The following PLXNC1 variants were observed in gnomAD, a reference collection of about 807,000 sequenced individuals.
PLXNC1 encodes the protein plexin C1, also known as plexin-C1.
Under a neutral mutation model 178.2 loss-of-function variants are expected in PLXNC1, and 75 were observed. That is an observed-to-expected ratio of 0.42 (90% CI 0.35 to 0.51). The LOEUF (loss-of-function observed/expected upper bound fraction) is 0.51. Ranked by LOEUF, PLXNC1 falls within the 20% of genes least tolerant of loss-of-function variation. The probability of loss-of-function intolerance (pLI) is 0.02; values close to 1 mark genes in which losing one functional copy is unlikely to be tolerated. For synonymous variants in PLXNC1, 790 were observed against 779.9 expected (o/e 1.01, Z -0.22); for missense variants, 1,503 against 1,984.4 (o/e 0.76, Z 4.61).
chr12:94,277,787 TC>T (rs2136126609), intron 21 of PLXNC1: 3 of 365,578 alleles, frequency 8.2e-6, no homozygotes, highest in South Asian at 6.1e-5. Context: ...GCCGATACTA[TC>T]ATCAAGCCTT....
intron 8 of PLXNC1, 82 bp from the exon 9 acceptor site, chr12:94,227,067 G>T (rs1963960913): frequency 1.1e-6 from 1 of 915,096 alleles, no homozygotes; most frequent in Non-Finnish European, 1.8e-6. Context: ...GTGACTGCCT[G>T]GTCCTACCTT....
intron 12 of PLXNC1, among the ~76,000 whole-genome samples, chr12:94,245,734 G>A (rs182115010): frequency 3.3e-5 from 5 of 152,262 alleles, no homozygotes; most frequent in African/African-American, 4.8e-5. Flanking sequence ...CAGAGTCCTC[G>A]CAGGCCCGTG....
chr12:94,182,993 A>C (rs1962382506), intron 3 of PLXNC1, among the ~76,000 whole-genome samples: 1 of 152,168 alleles, frequency 6.6e-6, no homozygotes, highest in African/African-American at 2.4e-5. Context: ...AAATGATATT[A>C]AATCCAAAAT....
At chr12:94,248,140 C>A in intron 13 of PLXNC1, 34 bp downstream of exon 13, 1 of 1,604,190 alleles carries the variant, frequency 6.2e-7, no homozygotes, top group Non-Finnish European at 8.5e-7. Flanking sequence ...GGGATGTCAC[C>A]CCGACCCCTT....
In PLXNC1 at chr12:94,149,857, T is replaced by C; in HGVS notation, c.886T>C (p.Ser296Pro). The change falls in exon 1 of 31, where the codon TCC (serine) becomes CCC (proline). Residue 296 changes from serine to proline, a missense_variant. Ser to Pro is a moderately conservative substitution (Grantham distance 74). Transcript: ENST00000258526. ...CCCCGACGGCCGCCGCCTGCTCCTCTCCTCCAGCCTAGTGGAGGCCCTGGA... is the reference window on the plus strand; with the variant it reads ...CCCCGACGGCCGCCGCCTGCTCCTCCCCTCCAGCCTAGTGGAGGCCCTGGA... ...GHPDGRRLLLSSSLVEALDVW... is the reference protein window; with the variant it reads ...GHPDGRRLLLPSSLVEALDVW... 1 of 1,587,538 alleles carries C rather than the reference T, an allele frequency of 6.3e-7. No homozygotes were observed. The highest frequency in any genetic ancestry group is 8.6e-7 in the Non-Finnish European group (1 of 1,167,626).
intron 2 of PLXNC1, among the ~76,000 whole-genome samples, chr12:94,172,947 T>G (rs1961899930): frequency 6.6e-6 from 1 of 152,148 alleles, no homozygotes. Flanking sequence ...TTTGGGGAAA[T>G]AGAAGGAATT....
Position 94,228,430 on chromosome 12 carries a change from C to T in PLXNC1, c.1980+1195C>T, listed in dbSNP as rs181224685. Among the ~76,000 whole-genome samples, 17 of 152,224 alleles carry T rather than the reference C, an allele frequency of 1.1e-4. No individual in the cohort carries two copies. In the East Asian group the frequency reaches 2.3e-3, roughly 21 times the overall value. On this transcript the variant is annotated intron_variant, in intron 9 of 30. Coordinates refer to ENST00000258526, the MANE Select transcript of PLXNC1 (RefSeq NM_005761.3). ...TTTTCGTTTTGATAAAATACACAAA[C>T]AAAATTTACCATTTTTATTGCTTTT...
intron 9 of PLXNC1, among the ~76,000 whole-genome samples, chr12:94,229,455 G>A (rs1293047029): frequency 1.3e-5 from 2 of 152,114 alleles, no homozygotes; most frequent in Non-Finnish European, 2.9e-5. Flanking sequence ...TGCTTTTGGT[G>A]TCAGATCCAA....
chr12:94,187,451 G>A (rs1284240938), intron 4 of PLXNC1, among the ~76,000 whole-genome samples: 1 of 152,154 alleles, frequency 6.6e-6, no homozygotes, highest in African/African-American at 2.4e-5. Flanking sequence ...TTAATTAAGA[G>A]TTCACGGGGG....
Position 94,169,308 on chromosome 12 carries a change from C to T in PLXNC1, c.1203+15C>T, listed in dbSNP as rs780804394. The stretch of plus-strand genomic sequence containing the variant: ...AGTTACTTAAGGTTGGTTTTCTGTG[C>T]CTTCTTCAAATGTCTATTTTAATGG... On this transcript the variant is annotated intron_variant, in intron 2 of 30. Coordinates refer to ENST00000258526, the MANE Select transcript of PLXNC1 (RefSeq NM_005761.3). 3.1e-6 allele frequency: 5 copies of T among 1,609,388 alleles called. No homozygotes were observed. Among genetic ancestry groups the T allele is most frequent in the Non-Finnish European group, 4.3e-6 (5 of 1,176,412 alleles).
chr12:94,181,486 T>C lies in PLXNC1; in HGVS notation c.1244T>C (p.Val415Ala). Residue 415 changes from valine to alanine, a missense_variant, in exon 3 of 31, where the codon GTT (valine) becomes GCT (alanine). Transcript: ENST00000258526. ...GENLTSNCPE[V>A]IYEIKEETPV... is the part of the protein sequence containing the mutation. Reference sequence around the variant, plus strand: ...AATTTGACTTCAAATTGTCCAGAGGTTATCTATGAAATTAAAGAAGAGACA... The same window carrying C: ...AATTTGACTTCAAATTGTCCAGAGGCTATCTATGAAATTAAAGAAGAGACA... 1.3e-6 allele frequency: 2 copies of C among 1,592,692 alleles called. No individual in the cohort carries two copies. The highest frequency in any genetic ancestry group is 2.2e-5 in the East Asian group (1 of 44,730).
chr12:94,242,837 G>A (rs998465706), intron 11 of PLXNC1, among the ~76,000 whole-genome samples: 6 of 152,156 alleles, frequency 3.9e-5, no homozygotes, highest in Non-Finnish European at 1.5e-5. Flanking sequence ...GCAAATGAGG[G>A]AACTGGGGGA....
chr12:94,199,371 G>A (rs1963038897), intron 4 of PLXNC1, among the ~76,000 whole-genome samples: 1 of 152,204 alleles, frequency 6.6e-6, no homozygotes, highest in Admixed American at 6.5e-5. Flanking sequence ...ATTGGGGATG[G>A]CCCCTCCTTC....
intron 5 of PLXNC1, among the ~76,000 whole-genome samples, chr12:94,212,189 G>A (rs1405394562): frequency 3.3e-5 from 5 of 150,234 alleles, no homozygotes; most frequent in Admixed American, 2.0e-4. Context: ...CAGGAGAATG[G>A]CGTGAACCCG....
intron 1 of PLXNC1, among the ~76,000 whole-genome samples, chr12:94,154,500 G>A (rs1044316281): frequency 6.6e-6 from 1 of 152,140 alleles, no homozygotes; most frequent in Non-Finnish European, 1.5e-5. Flanking sequence ...AAGGAAATGG[G>A]ATTCCCCACT....
At position 94,249,423 on chromosome 12, in the gene PLXNC1, G is replaced by T. The variant is rs373080937; in HGVS notation, c.2778+1011G>T. On this transcript the variant is annotated intron_variant, in intron 14 of 30. Coordinates refer to ENST00000258526, the MANE Select transcript of PLXNC1 (RefSeq NM_005761.3). ...AGTTTTTTCTATTTTTAGTAGAGACGGAGTTTCACTGTGTTGGGCTGGCTG... is the reference window on the plus strand; with the variant it reads ...AGTTTTTTCTATTTTTAGTAGAGACTGAGTTTCACTGTGTTGGGCTGGCTG... Among the ~76,000 whole-genome samples, 3 of 152,210 alleles carry T rather than the reference G, an allele frequency of 2.0e-5. No individual in the cohort carries two copies. The East Asian group carries it at 5.8e-4, about 29-fold the overall frequency.
At chr12:94,281,894 G>A (rs1040990535) in intron 22 of PLXNC1, 8 of 197,336 alleles carry the variant, frequency 4.1e-5, no homozygotes, top group South Asian at 1.6e-4. Flanking sequence ...TGGGACCTTC[G>A]CACACTGATG....
intron 5 of PLXNC1, among the ~76,000 whole-genome samples, chr12:94,212,865 G>C (rs567371631): frequency 2.9e-3 from 444 of 150,846 alleles, no homozygotes; most frequent in Non-Finnish European, 5.2e-3. Context: ...GACTACAGGC[G>C]CCCACCACTA....
At chr12:94,243,880 A>G in intron 11 of PLXNC1, 58 bp from the exon 12 acceptor site, 3 of 788,436 alleles carry the variant, frequency 3.8e-6, no homozygotes, top group Non-Finnish European at 6.3e-6. Context: ...TTGTTCATAA[A>G]TGCAAAATGC....
Sources: allele counts gnomAD v4.1 joint callset (sites outside exome capture counted in the v4.1 genomes callset), GRCh38; gene constraint gnomAD v4.1.1; transcripts MANE v1.5; gene names NCBI Gene and HGNC (gene_info 2026-07-23, HGNC 2026-07-21).